The following STPG2 variants were observed in gnomAD, a reference collection of about 807,000 sequenced individuals.
STPG2 encodes sperm tail PG-rich repeat containing 2.
STPG2 carries 56 observed loss-of-function variants against 54.2 expected under a neutral mutation model. The observed-to-expected ratio is 1.03, with a 90% CI of 0.83 to 1.29. The LOEUF (loss-of-function observed/expected upper bound fraction) is 1.29, where lower values mean the gene tolerates loss of function less well. STPG2 is among the 50% of genes most tolerant of loss of function. The pLI, the probability that STPG2 is intolerant of heterozygous loss-of-function variation, is 0.00. For synonymous variants in STPG2, 200 were observed against 181.8 expected, an observed-to-expected ratio of 1.10 and a Z score of -0.81; for missense variants, 596 against 544.9, an observed-to-expected ratio of 1.09 and a Z score of -0.93.
At chr4:97,617,365 G>T (rs1733901739) in intron 10 of STPG2, among the ~76,000 whole-genome samples, 1 of 152,122 alleles carries the variant, frequency 6.6e-6, no homozygotes. Flanking sequence ...CTAGCTCTCA[G>T]ATTGGAAATG....
chr4:97,746,994 G>C (rs1213047786), intron 9 of STPG2, among the ~76,000 whole-genome samples: 1 of 146,608 alleles, frequency 6.8e-6, no homozygotes, highest in Admixed American at 7.0e-5. Flanking sequence ...AGGATAGCAT[G>C]TGCAATCTGT....
chr4:97,863,977 C>T (rs1173914103), intron 8 of STPG2, among the ~76,000 whole-genome samples: 2 of 152,028 alleles, frequency 1.3e-5, no homozygotes, highest in Non-Finnish European at 2.9e-5. Context: ...TATGACAAAC[C>T]CACAGCCCAT....
At chr4:97,638,048 C>G (rs1721619459) in intron 10 of STPG2, among the ~76,000 whole-genome samples, 2 of 152,060 alleles carry the variant, frequency 1.3e-5, no homozygotes, top group Admixed American at 6.6e-5. Flanking sequence ...CAATCCTAAG[C>G]CAAAAGAACA....
At chr4:97,608,355 T>C (rs1446520180) in intron 10 of STPG2, among the ~76,000 whole-genome samples, 1 of 151,852 alleles carries the variant, frequency 6.6e-6, no homozygotes, top group African/African-American at 2.4e-5. Flanking sequence ...AATTTGGCCA[T>C]CACATTGTAA....
At chr4:98,039,142 T>G (rs1192461076) in intron 5 of STPG2, among the ~76,000 whole-genome samples, 1 of 151,874 alleles carries the variant, frequency 6.6e-6, no homozygotes, top group Non-Finnish European at 1.5e-5. Flanking sequence ...CCCTTGTGTA[T>G]CAAAGACACA....
chr4:98,068,765 C>A (rs1003953797), intron 5 of STPG2, among the ~76,000 whole-genome samples: 1 of 151,946 alleles, frequency 6.6e-6, no homozygotes, highest in Non-Finnish European at 1.5e-5. Context: ...CTTACACAAA[C>A]CAAGATGGTA....
At chr4:97,996,503 C>G (rs1735242752) in intron 5 of STPG2, among the ~76,000 whole-genome samples, 1 of 132,744 alleles carries the variant, frequency 7.5e-6, no homozygotes, top group Admixed American at 7.8e-5. Flanking sequence ...CTATAAAATT[C>G]CTGAAAGATA....
At chr4:98,113,115 A>T (rs1298171296) in intron 3 of STPG2, among the ~76,000 whole-genome samples, 1 of 152,002 alleles carries the variant, frequency 6.6e-6, no homozygotes, top group African/African-American at 2.4e-5. Flanking sequence ...GTATAACACG[A>T]AGAAAGACAT....
intron 4 of STPG2, among the ~76,000 whole-genome samples, chr4:97,525,604 T>G (rs1270244427): frequency 2.0e-5 from 3 of 151,982 alleles, no homozygotes; most frequent in Non-Finnish European, 1.5e-5. Context: ...CAACGTAATA[T>G]TCATACTGCT....
chr4:97,758,060 G>A (rs993755423), intron 9 of STPG2, among the ~76,000 whole-genome samples: 1 of 152,164 alleles, frequency 6.6e-6, no homozygotes, highest in East Asian at 1.9e-4. Context: ...AGGCTCTAGG[G>A]GTTTCTGAAT....
chr4:97,470,147 T>A (rs1409486150), intron 4 of STPG2, among the ~76,000 whole-genome samples: 2 of 152,120 alleles, frequency 1.3e-5, no homozygotes, highest in Non-Finnish European at 2.9e-5. Context: ...TATTTTCTGA[T>A]TTTTAATTCC....
At chr4:98,003,520 T>A (rs1269335515) in intron 5 of STPG2, among the ~76,000 whole-genome samples, 1 of 152,174 alleles carries the variant, frequency 6.6e-6, no homozygotes, top group Admixed American at 6.5e-5. Flanking sequence ...TTCTCAACAT[T>A]AAAAGCACAA....
intron 6 of STPG2, among the ~76,000 whole-genome samples, chr4:97,977,334 T>A (rs1048449147): frequency 1.3e-5 from 2 of 152,188 alleles, no homozygotes; most frequent in East Asian, 1.9e-4. Flanking sequence ...TTTAAAAAAA[T>A]GTTATAATCC....
At chr4:97,873,040 T>C (rs985180479) in intron 8 of STPG2, among the ~76,000 whole-genome samples, 1 of 151,260 alleles carries the variant, frequency 6.6e-6, no homozygotes, top group Non-Finnish European at 1.5e-5. Context: ...TGGGACCCTT[T>C]CAGCACACAG....
chr4:97,754,851 A>G (rs1351172940), intron 9 of STPG2, among the ~76,000 whole-genome samples: 1 of 152,128 alleles, frequency 6.6e-6, no homozygotes, highest in Non-Finnish European at 1.5e-5. Context: ...GTTAAGAATA[A>G]GGGATTATGC....
intron 3 of STPG2, among the ~76,000 whole-genome samples, chr4:98,116,581 G>A (rs1451553656): frequency 2.0e-5 from 3 of 151,826 alleles, no homozygotes; most frequent in Non-Finnish European, 2.9e-5. Context: ...TTTCACTGGA[G>A]TTTTTACAGA....
intron 7 of STPG2, among the ~76,000 whole-genome samples, chr4:97,963,759 A>G (rs1733987686): frequency 6.6e-6 from 1 of 151,936 alleles, no homozygotes. Context: ...TTATACTTAT[A>G]TCGGACTAAA....
intron 9 of STPG2, among the ~76,000 whole-genome samples, chr4:97,834,058 C>T (rs1050875461): frequency 2.0e-5 from 3 of 152,042 alleles, no homozygotes; most frequent in African/African-American, 4.8e-5. Flanking sequence ...CACATGCACA[C>T]GTATGTGTAT....
At chr4:98,072,737 A>G (rs1738045020) in intron 5 of STPG2, among the ~76,000 whole-genome samples, 1 of 152,188 alleles carries the variant, frequency 6.6e-6, no homozygotes. Flanking sequence ...AGGAAACCAG[A>G]GCCAAGATGT....
Sources: gnomAD v4.1 joint callset for allele counts (sites outside exome capture counted in the v4.1 genomes callset) on GRCh38, gnomAD v4.1.1 for gene constraint, MANE v1.5 for transcripts, NCBI Gene and HGNC (gene_info 2026-07-23, HGNC 2026-07-21) for gene names.